The following VPS13C variants were observed in gnomAD, a reference collection of about 807,000 sequenced individuals.
VPS13C encodes intermembrane lipid transfer protein VPS13C.
A neutral mutation model predicts 456.8 loss-of-function variants in VPS13C; 358 were observed. The observed-to-expected ratio is 0.78, with a 90% CI of 0.72 to 0.86. The LOEUF is 0.86. VPS13C is among the 40% of genes least tolerant of loss of function. VPS13C has a pLI of 0.00. For missense variants in VPS13C, 4,818 were observed against 4,385.4 expected (o/e 1.10, Z -2.79); for synonymous variants, 1,578 against 1,486.7 (o/e 1.06, Z -1.41).
intron 51 of VPS13C, 69 bp from the exon 52 acceptor site, chr15:61,927,389 A>G (rs889251436): frequency 2.6e-5 from 32 of 1,237,108 alleles, no homozygotes; most frequent in African/African-American, 4.5e-5. Flanking sequence ...CATGTTATCT[A>G]CAAGTTGTTA....
At chr15:62,014,552 A>C (rs1226484606) in intron 9 of VPS13C, among the ~76,000 whole-genome samples, 1 of 152,164 alleles carries the variant, frequency 6.6e-6, no homozygotes, top group Non-Finnish European at 1.5e-5. Context: ...GGATAACTTT[A>C]GATTTATAAG....
chr15:62,022,982 G>A lies in VPS13C; in HGVS notation c.624+429C>T, dbSNP rs182258843. On this transcript the variant is annotated intron_variant, in intron 8 of 84. Transcript: ENST00000644861. Reference sequence around the variant, plus strand: ...TTTGGGTGTTCAATCCAACTCAGTGGTATGTAAAGAGAATGAGACTACAGT... The same window carrying A: ...TTTGGGTGTTCAATCCAACTCAGTGATATGTAAAGAGAATGAGACTACAGT... Among the ~76,000 whole-genome samples, 7 of 151,984 alleles carry A rather than the reference G, an allele frequency of 4.6e-5. No individual in the cohort carries two copies. In the East Asian group the frequency reaches 1.4e-3, roughly 29 times the overall value.
At chr15:61,931,823 G>T (rs1351714875) in intron 49 of VPS13C, among the ~76,000 whole-genome samples, 2 of 151,422 alleles carry the variant, frequency 1.3e-5, no homozygotes, top group African/African-American at 4.9e-5. Flanking sequence ...CTCATGATCC[G>T]CCCACCTCGG....
chr15:61,912,871 C>T (rs537738350), intron 62 of VPS13C, among the ~76,000 whole-genome samples: 11 of 146,990 alleles, frequency 7.5e-5, no homozygotes, highest in Admixed American at 2.8e-4. Flanking sequence ...CAATTCCTAC[C>T]TATGAGTGAG....
Position 61,878,693 on chromosome 15 carries a change from T to G in VPS13C, c.10056A>C (p.Lys3352Asn). The G allele has an allele frequency of 6.2e-7, 1 of 1,611,458 alleles. No individual in the cohort carries two copies. Among genetic ancestry groups the G allele is most frequent in the Non-Finnish European group, 8.5e-7 (1 of 1,178,736 alleles). Reference sequence around the variant, plus strand: ...CAGAATGAACTGCAAACATTTCCTGTTTTTCTTTGTCTGATTCTTCACCTC... The same window carrying G: ...CAGAATGAACTGCAAACATTTCCTGGTTTTCTTTGTCTGATTCTTCACCTC... The part of the protein sequence containing the change: ...GSGGEESDKE[K>N]QEMFAVHSVN... Residue 3352 changes from lysine (K) to asparagine (N), a missense_variant, in exon 74 of 85, where the codon AAA becomes AAC. Physicochemically the swap from Lys to Asn is moderately conservative, Grantham distance 94. Coordinates refer to ENST00000644861, the MANE Select transcript of VPS13C (RefSeq NM_020821.3).
chr15:62,055,241 T>C (rs1044642583), intron 1 of VPS13C, among the ~76,000 whole-genome samples: 2 of 151,988 alleles, frequency 1.3e-5, no homozygotes, highest in Non-Finnish European at 2.9e-5. Context: ...AACCTTTTTT[T>C]TTTGAGACGG....
At chr15:61,913,872 G>A (rs929832328) in intron 61 of VPS13C, among the ~76,000 whole-genome samples, 1 of 152,136 alleles carries the variant, frequency 6.6e-6, no homozygotes, top group Non-Finnish European at 1.5e-5. Flanking sequence ...CACAGTTCCT[G>A]TCTTCGATGA....
At chr15:61,955,613 A>T (rs2044965346) in intron 37 of VPS13C, among the ~76,000 whole-genome samples, 1 of 152,220 alleles carries the variant, frequency 6.6e-6, no homozygotes, top group Non-Finnish European at 1.5e-5. Flanking sequence ...AATGTGAACC[A>T]GGGGAAATGA....
At chr15:61,908,086 T>C (rs1371609072) in intron 65 of VPS13C, among the ~76,000 whole-genome samples, 21 of 152,208 alleles carry the variant, frequency 1.4e-4, no homozygotes, top group Admixed American at 1.4e-3. Context: ...CAAAACCTAC[T>C]GAGTCAAAAT....
chr15:61,977,107 C>T lies in VPS13C; in HGVS notation c.2383G>A (p.Val795Ile). 6.2e-7 allele frequency: 1 copy of T among 1,601,692 alleles called. No individual in the cohort carries two copies. The highest frequency in any genetic ancestry group is 8.5e-7 in the Non-Finnish European group (1 of 1,174,530). ...DIHVELAKAM[V>I]EKDIRMARFK... ...CTGGCCATTCTAATGTCTTTTTCTA[C>T]CATGGCCTTAGCCAACTCAACATGA... Residue 795 changes from valine to isoleucine, a missense_variant, in exon 24 of 85, where the codon GTA becomes ATA. Val to Ile is a conservative substitution (Grantham distance 29). This residue lies in a region of VPS13C where 4,552 missense variants were observed against 4,130.6 expected (regional missense o/e 1.10). Coordinates refer to ENST00000644861, the MANE Select transcript of VPS13C (RefSeq NM_020821.3).
chr15:62,023,804 A>C lies in VPS13C; in HGVS notation c.490T>G (p.Phe164Val). 6.2e-7 allele frequency: 1 copy of C among 1,610,844 alleles called. No individual in the cohort carries two copies. Among genetic ancestry groups the C allele is most frequent in the Non-Finnish European group, 8.5e-7 (1 of 1,178,160 alleles). ...KKHKKHFKKP[F>V]KGLDRSKDKP... ...CCTTTTGAACGATCAAGACCTTTAA[A>C]AGGTTTCTTAAAATGTTTTTTGTGC... Residue 164 changes from phenylalanine (F) to valine (V), a missense_variant, in exon 7 of 85, where the codon TTT becomes GTT. Physicochemically the swap from Phe to Val is conservative, Grantham distance 50. Transcript: ENST00000644861.
intron 49 of VPS13C, among the ~76,000 whole-genome samples, chr15:61,932,470 C>T (rs963845773): frequency 1.3e-5 from 2 of 151,850 alleles, no homozygotes; most frequent in Admixed American, 6.6e-5. Flanking sequence ...AAATGGACCT[C>T]GATCTTTATT....
At chr15:61,999,330 A>T (rs1453179964) in intron 16 of VPS13C, among the ~76,000 whole-genome samples, 1 of 151,892 alleles carries the variant, frequency 6.6e-6, no homozygotes, top group Non-Finnish European at 1.5e-5. Context: ...CAGTGACCCA[A>T]GATTGCGCCA....
Position 61,927,280 on chromosome 15 carries a change from G to C in VPS13C, c.6327C>G (p.Ile2109Met). The C allele has an allele frequency of 3.7e-6, 6 of 1,614,164 alleles. No homozygotes were observed. Among genetic ancestry groups the C allele is most frequent in the Non-Finnish European group, 5.1e-6 (6 of 1,180,020 alleles). ...VRPNMTLKAM[I>M]TDPEVVFVAS... ...CAACAAATACCACTTCTGGATCTGT[G>C]ATCATGGCCTTTAAAGTCATATTTG... Residue 2109 changes from isoleucine (I) to methionine (M), a missense_variant, in exon 52 of 85, where the codon ATC (isoleucine) becomes ATG (methionine). By Grantham distance (10) the Ile-to-Met change is conservative (BLOSUM62 1). Transcript: ENST00000644861.
At position 61,934,231 on chromosome 15, in the gene VPS13C, A is replaced by G; in HGVS notation, c.5856T>C (p.Asn1952=). The G allele has an allele frequency of 6.3e-7, 1 of 1,578,896 alleles. No homozygotes were observed. The highest frequency in any genetic ancestry group is 8.6e-7 in the Non-Finnish European group (1 of 1,159,668). Residue 1952 remains asparagine (N), a synonymous_variant, in exon 49 of 85, where the codon AAT becomes AAC. Coordinates refer to ENST00000644861, the MANE Select transcript of VPS13C (RefSeq NM_020821.3). ...FESLSIILYN[N]DINQESGVAF... is the part of the protein sequence containing the mutation. ...ATGTATTACATACCTGGTTGATATC[A>G]TTGTTATAAAGGATAATGGAAAGAG...
intron 81 of VPS13C, chr15:61,866,986 A>G (rs1328177952): frequency 1.0e-6 from 1 of 971,498 alleles, no homozygotes; most frequent in Non-Finnish European, 1.2e-6. Context: ...TTATTACAAA[A>G]AAAAGAAATT....
chr15:62,016,308 C>T (rs2047245564), intron 9 of VPS13C, among the ~76,000 whole-genome samples: 1 of 151,732 alleles, frequency 6.6e-6, no homozygotes, highest in African/African-American at 2.4e-5. Context: ...TTCTAGGGTA[C>T]ATGTGCACAA....
intron 79 of VPS13C, among the ~76,000 whole-genome samples, chr15:61,870,006 C>T (rs1894894915): frequency 6.6e-6 from 1 of 151,986 alleles, no homozygotes; most frequent in African/African-American, 2.4e-5. Flanking sequence ...TTAATGCTGA[C>T]CGTTAGATTT....
intron 28 of VPS13C, 151 bp from the exon 29 acceptor site, chr15:61,967,598 T>C (rs565902461): frequency 1.2e-4 from 73 of 595,060 alleles, no homozygotes; most frequent in South Asian, 5.0e-4. Flanking sequence ...GCCATCACTG[T>C]TGAAGAAATT....
Sources: gnomAD v4.1 joint callset for allele counts (sites outside exome capture counted in the v4.1 genomes callset) on GRCh38, gnomAD v4.1.1 for gene constraint, gnomAD v4.1.1 regional missense constraint, MANE v1.5 for transcripts, NCBI Gene and HGNC (gene_info 2026-07-23, HGNC 2026-07-21) for gene names.